CADM2: variants seen among roughly 807,000 people sequenced by gnomAD.
The protein encoded by CADM2 is cell adhesion molecule 2, also known as immunoglobulin superfamily member 4D.
A neutral mutation model predicts 49.8 loss-of-function variants in CADM2; 12 were observed. That is an observed-to-expected ratio of 0.24 (90% confidence interval 0.15 to 0.39). CADM2 has a LOEUF of 0.39. Among genes scored for constraint, CADM2 ranks in the 10% least tolerant of loss-of-function variants. The pLI, the probability that CADM2 is intolerant of heterozygous loss-of-function variation, is 1.00. For missense variants in CADM2, 378 were observed against 492.3 expected, an observed-to-expected ratio of 0.77 and a Z score of 2.20; for synonymous variants, 214 against 175.4, an observed-to-expected ratio of 1.22 and a Z score of -1.74.
At chr3:85,119,983 T>G (rs2038793325) in intron 1 of CADM2, among the ~76,000 whole-genome samples, 1 of 152,058 alleles carries the variant, frequency 6.6e-6, no homozygotes, top group Non-Finnish European at 1.5e-5. Context: ...CTTAAACAAA[T>G]TTACAAGAAT....
chr3:85,654,745 C>T (rs902267539), intron 1 of CADM2, among the ~76,000 whole-genome samples: 8 of 152,194 alleles, frequency 5.3e-5, no homozygotes, highest in Non-Finnish European at 1.0e-4. Context: ...CGTGAAATAC[C>T]ACATGCTGCC....
intron 6 of CADM2, among the ~76,000 whole-genome samples, chr3:85,929,065 A>C (rs1720274771): frequency 6.6e-6 from 1 of 152,158 alleles, no homozygotes; most frequent in Admixed American, 6.5e-5. Context: ...CAGTCGTATT[A>C]ATGCATTTTT....
intron 1 of CADM2, among the ~76,000 whole-genome samples, chr3:85,532,118 A>G (rs985021788): frequency 1.3e-5 from 2 of 152,158 alleles, no homozygotes; most frequent in Non-Finnish European, 2.9e-5. Flanking sequence ...CGGAGCTTGC[A>G]GTGAGCCGAG....
intron 1 of CADM2, among the ~76,000 whole-genome samples, chr3:85,217,395 A>C (rs2041952185): frequency 6.6e-6 from 1 of 152,016 alleles, no homozygotes; most frequent in Non-Finnish European, 1.5e-5. Flanking sequence ...AAGAGACAAA[A>C]GATATGAGCA....
chr3:84,959,336 C>G lies in CADM2; in HGVS notation c.-272C>G. On this transcript the variant is annotated 5_prime_UTR_variant, in exon 1 of 10. Transcript: ENST00000383699. ...CCGAGAGGAAGGCAAGCTCCAAACC[C>G]CTGCCTGGAAGACGGGCTGTCGCGG... is the stretch of plus-strand genomic sequence containing the variant. 1 of 561,908 alleles carries G rather than the reference C, an allele frequency of 1.8e-6. No individual in the cohort carries two copies. The highest frequency in any genetic ancestry group is 2.1e-5 in the South Asian group (1 of 48,282). 34.8% of individuals were successfully genotyped at this position (561,908 alleles called of 1,614,324 possible). A position where few individuals can be genotyped will look rare whatever the true frequency, so the allele number is the denominator to read the frequency against.
intron 1 of CADM2, among the ~76,000 whole-genome samples, chr3:85,530,726 A>G (rs1010741972): frequency 6.6e-6 from 1 of 152,102 alleles, no homozygotes; most frequent in Admixed American, 6.5e-5. Flanking sequence ...TACCATTACA[A>G]TCTTAGCATC....
At position 85,943,417 on chromosome 3, in the gene CADM2, A is replaced by G. The variant is rs567997912; in HGVS notation, c.791+7560A>G. On this transcript the variant is annotated intron_variant, in intron 7 of 9. Transcript: ENST00000383699. ...AGACATGAAGTCCTTGCCCATGCCT[A>G]TGTCCTGAATGGTAAAGCCTAGGTT... is the stretch of plus-strand genomic sequence containing the variant. 4.4e-3 allele frequency among the ~76,000 whole-genome samples: 647 copies of G among 146,608 alleles called. 2 individuals carry two copies. Among genetic ancestry groups the G allele is most frequent in the African/African-American group, 0.016 (614 of 38,586 alleles).
chr3:85,931,266 A>G lies in CADM2; in HGVS notation c.701-4501A>G, dbSNP rs563684665. On this transcript the variant is annotated intron_variant, in intron 6 of 9. Coordinates refer to ENST00000383699, the MANE Select transcript of CADM2 (RefSeq NM_001167675.2). ...AAGAAAGAGATAAAGAGAGAAAAAGAAAGAGAGAGCAAGAGAAAGAAAATT... is the reference window on the plus strand; with the variant it reads ...AAGAAAGAGATAAAGAGAGAAAAAGGAAGAGAGAGCAAGAGAAAGAAAATT... Among the ~76,000 whole-genome samples the G allele has an allele frequency of 5.3e-5, 8 of 151,950 alleles. No homozygotes were observed. In the East Asian group the frequency reaches 1.6e-3, roughly 30 times the overall value.
chr3:85,228,839 T>A (rs991668227), intron 1 of CADM2, among the ~76,000 whole-genome samples: 10 of 152,124 alleles, frequency 6.6e-5, no homozygotes, highest in Admixed American at 1.3e-4. Context: ...CATTTTCATA[T>A]CTTGAACACT....
chr3:85,724,567 C>G (rs990691173), intron 1 of CADM2, among the ~76,000 whole-genome samples: 2 of 151,802 alleles, frequency 1.3e-5, no homozygotes, highest in Non-Finnish European at 2.9e-5. Flanking sequence ...TAAAAATATG[C>G]AACTATTAAA....
chr3:85,960,213 A>G (rs938332537), intron 7 of CADM2, among the ~76,000 whole-genome samples: 7 of 151,908 alleles, frequency 4.6e-5, no homozygotes, highest in Non-Finnish European at 1.5e-5. Context: ...CACAACTTTT[A>G]TCCCTTCTAC....
intron 1 of CADM2, among the ~76,000 whole-genome samples, chr3:85,172,188 G>A (rs2040646750): frequency 6.6e-6 from 1 of 152,118 alleles, no homozygotes; most frequent in Non-Finnish European, 1.5e-5. Context: ...TCACCAGATG[G>A]CAGTCATGGG....
At chr3:86,025,432 A>C (rs542023704) in intron 8 of CADM2, among the ~76,000 whole-genome samples, 2 of 147,426 alleles carry the variant, frequency 1.4e-5, no homozygotes, top group Non-Finnish European at 2.9e-5. Context: ...TCTTCTAAGG[A>C]CTTTTTTTTT....
chr3:85,407,450 A>G (rs2035438502), intron 1 of CADM2, among the ~76,000 whole-genome samples: 1 of 152,106 alleles, frequency 6.6e-6, no homozygotes, highest in African/African-American at 2.4e-5. Flanking sequence ...AACCGCTTCT[A>G]CCATTTTGAA....
intron 1 of CADM2, among the ~76,000 whole-genome samples, chr3:85,622,437 A>G (rs1373167179): frequency 6.6e-6 from 1 of 152,178 alleles, no homozygotes; most frequent in Non-Finnish European, 1.5e-5. Flanking sequence ...TGTGAGAAGA[A>G]TCCATTGCTG....
At chr3:85,467,666 T>G (rs180922598) in intron 1 of CADM2, among the ~76,000 whole-genome samples, 1 of 152,178 alleles carries the variant, frequency 6.6e-6, no homozygotes, top group African/African-American at 2.4e-5. Context: ...TCTAAAGAAA[T>G]TACTAATTGT....
At chr3:85,386,291 T>C (rs1055660166) in intron 1 of CADM2, among the ~76,000 whole-genome samples, 12 of 152,146 alleles carry the variant, frequency 7.9e-5, no homozygotes, top group African/African-American at 2.9e-4. Context: ...GTAGAGATTG[T>C]AGGGAACGTG....
intron 1 of CADM2, among the ~76,000 whole-genome samples, chr3:85,158,877 T>TA (rs578132083): frequency 6.6e-6 from 1 of 151,686 alleles, no homozygotes; most frequent in Non-Finnish European, 1.5e-5. Flanking sequence ...AATAAAAATT[T>TA]AAAAAAAATT....
chr3:85,683,768 C>T (rs2066108078), intron 1 of CADM2, among the ~76,000 whole-genome samples: 1 of 152,108 alleles, frequency 6.6e-6, no homozygotes, highest in Admixed American at 6.5e-5. Flanking sequence ...ACATAGAAAA[C>T]AGTGCAAACA....
Sources: gnomAD v4.1 joint callset for allele counts (sites outside exome capture counted in the v4.1 genomes callset) on GRCh38, gnomAD v4.1.1 for gene constraint, MANE v1.5 for transcripts, NCBI Gene and HGNC (gene_info 2026-07-23, HGNC 2026-07-21) for gene names.